MICU1: variants seen among roughly 807,000 people sequenced by gnomAD.
MICU1 encodes the protein mitochondrial calcium uptake 1, also known as calcium uptake protein 1, mitochondrial.
MICU1 carries 45 observed loss-of-function variants against 56.8 expected under a neutral mutation model. That is an observed-to-expected ratio of 0.79 (90% CI 0.62 to 1.02). The LOEUF is 1.02. MICU1 is among the 50% of genes least tolerant of loss of function. The pLI is 0.00. For synonymous variants in MICU1, 186 were observed against 195.1 expected (o/e 0.95, Z 0.39); for missense variants, 504 against 587.1 (o/e 0.86, Z 1.46).
intron 10 of MICU1, among the ~76,000 whole-genome samples, chr10:72,399,744 C>G (rs1863389761): frequency 1.3e-5 from 2 of 152,184 alleles, no homozygotes; most frequent in Admixed American, 1.3e-4. Context: ...GGACAGATCA[C>G]TTGAGGTCAG....
chr10:72,616,619 C>G (rs1308376374), intron 1 of MICU1, among the ~76,000 whole-genome samples: 1 of 150,210 alleles, frequency 6.7e-6, no homozygotes, highest in African/African-American at 2.4e-5. Context: ...TACATAATGA[C>G]CTATAAAGAT....
At chr10:72,609,530 C>A (rs562433520) in intron 1 of MICU1, among the ~76,000 whole-genome samples, 1 of 151,900 alleles carries the variant, frequency 6.6e-6, no homozygotes, top group Non-Finnish European at 1.5e-5. Context: ...GTCAGGAGAT[C>A]GAGACCATCC....
chr10:72,471,930 T>TTGTGTGTCTG (rs1554876987), intron 8 of MICU1, among the ~76,000 whole-genome samples: 1 of 150,266 alleles, frequency 6.7e-6, no homozygotes, highest in African/African-American at 2.4e-5. Flanking sequence ...CACTATGCCT[T>TTGTGTGTCTG]TGTGTGTGTG....
intron 1 of MICU1, among the ~76,000 whole-genome samples, chr10:72,580,205 T>C (rs573859442): frequency 4.6e-5 from 7 of 152,300 alleles, no homozygotes; most frequent in South Asian, 2.1e-4. Context: ...CTTTTCTTCA[T>C]TGTAAAAAGT....
chr10:72,578,041 C>T (rs1315928831), intron 1 of MICU1, among the ~76,000 whole-genome samples: 2 of 152,130 alleles, frequency 1.3e-5, no homozygotes, highest in Non-Finnish European at 1.5e-5. Flanking sequence ...AAAACACTAT[C>T]AATCGGCGTC....
chr10:72,539,830 G>A (rs1411875705), intron 4 of MICU1, among the ~76,000 whole-genome samples: 3 of 152,164 alleles, frequency 2.0e-5, no homozygotes, highest in Non-Finnish European at 4.4e-5. Context: ...AGTGTTGGCA[G>A]CAGTGCAGAG....
intron 4 of MICU1, among the ~76,000 whole-genome samples, chr10:72,535,021 T>TTTTATTTTATTTTATTTTA (rs1839593545): frequency 1.4e-4 from 14 of 97,052 alleles, no homozygotes; most frequent in African/African-American, 4.8e-4. Flanking sequence ...TTTTATTTTA[T>TTTTATTTTATTTTATTTTA]TTTATTTTAT....
intron 8 of MICU1, among the ~76,000 whole-genome samples, chr10:72,456,626 C>A (rs956755738): frequency 2.0e-5 from 3 of 152,122 alleles, no homozygotes; most frequent in African/African-American, 7.2e-5. Context: ...AGATTCTTGT[C>A]CCTTAGAAAC....
At chr10:72,512,211 A>C (rs1236132413) in intron 5 of MICU1, among the ~76,000 whole-genome samples, 1 of 146,388 alleles carries the variant, frequency 6.8e-6, no homozygotes, top group Non-Finnish European at 1.5e-5. Context: ...TCCCAGGTTC[A>C]AGCAATTCCC....
intron 8 of MICU1, among the ~76,000 whole-genome samples, chr10:72,443,189 T>G (rs192049964): frequency 0.027 from 4,131 of 152,308 alleles, 179 homozygotes; most frequent in African/African-American, 0.095. Context: ...TGTCTGTTCA[T>G]GTCCTTCGCC....
chr10:72,440,471 T>C (rs1864884496), intron 8 of MICU1, among the ~76,000 whole-genome samples: 1 of 152,166 alleles, frequency 6.6e-6, no homozygotes, highest in African/African-American at 2.4e-5. Context: ...GGCAATACCA[T>C]TCAGGACATA....
intron 5 of MICU1, among the ~76,000 whole-genome samples, chr10:72,528,160 C>T (rs1868019238): frequency 6.6e-6 from 1 of 152,190 alleles, no homozygotes; most frequent in Non-Finnish European, 1.5e-5. Flanking sequence ...AAATAAACCA[C>T]TGACAACCAA....
intron 6 of MICU1, among the ~76,000 whole-genome samples, chr10:72,485,958 G>C (rs1184572479): frequency 6.6e-6 from 1 of 151,636 alleles, no homozygotes; most frequent in Non-Finnish European, 1.5e-5. Context: ...CATTAATAGA[G>C]TGTTGAAATT....
At chr10:72,385,101 A>G (rs550821889) in intron 10 of MICU1, among the ~76,000 whole-genome samples, 1 of 152,236 alleles carries the variant, frequency 6.6e-6, no homozygotes, top group African/African-American at 2.4e-5. Flanking sequence ...TAGCAGCAGT[A>G]GGTGCCAGGG....
intron 8 of MICU1, among the ~76,000 whole-genome samples, chr10:72,434,716 C>T (rs1217067255): frequency 6.6e-5 from 10 of 152,160 alleles, no homozygotes; most frequent in African/African-American, 1.7e-4. Context: ...AAGCAAACTG[C>T]TATTTTCTCT....
At chr10:72,490,794 C>T (rs1866628705) in intron 6 of MICU1, among the ~76,000 whole-genome samples, 1 of 152,152 alleles carries the variant, frequency 6.6e-6, no homozygotes, top group Non-Finnish European at 1.5e-5. Context: ...TGTCCATGTG[C>T]CCTTTGCACA....
chr10:72,554,486 A>G (rs1840110948), intron 3 of MICU1, among the ~76,000 whole-genome samples: 2 of 152,244 alleles, frequency 1.3e-5, no homozygotes, highest in Non-Finnish European at 2.9e-5. Flanking sequence ...AATAAGCATC[A>G]GTAAAACCTA....
chr10:72,494,612 C>T lies in MICU1; in HGVS notation c.652+13543G>A, dbSNP rs963280682. Among the ~76,000 whole-genome samples the T allele has an allele frequency of 3.3e-5, 5 of 151,260 alleles. No homozygotes were observed. In the East Asian group the frequency reaches 5.8e-4, roughly 18 times the overall value. On this transcript the variant is annotated intron_variant, in intron 6 of 11. Transcript: ENST00000361114. ...TCAGTGTGATCTACTTAATGGCAAT[C>T]GGCAAGTTTTCCTAAATAATATGAA...
At position 72,376,001 on chromosome 10, in the gene MICU1, A is replaced by G. The variant is rs1439278961; in HGVS notation, c.1181-129T>C. On this transcript the variant is annotated intron_variant, in intron 10 of 11. Transcript: ENST00000361114. ...CATTTAAGTCACATTTAAGAAAATG[A>G]TAAGTTAGGCTGGCCACAGTGGCTC... 5 of 898,210 alleles carry G rather than the reference A, an allele frequency of 5.6e-6. No homozygotes were observed. In the South Asian group the frequency reaches 5.8e-5, roughly 10 times the overall value. The allele number at this position is 898,210 out of a possible 1,614,324, so 55.6% of individuals were successfully genotyped here.
Sources: allele counts gnomAD v4.1 joint callset (sites outside exome capture counted in the v4.1 genomes callset), GRCh38; gene constraint gnomAD v4.1.1; transcripts MANE v1.5; gene names NCBI Gene and HGNC (gene_info 2026-07-23, HGNC 2026-07-21).